Variants in ARL15 observed in about 807,000 individuals in gnomAD.
ARL15 encodes ADP-ribosylation factor-like protein 15.
A neutral mutation model predicts 25.2 loss-of-function variants in ARL15; 19 were observed. That is an observed-to-expected ratio of 0.75 (90% CI 0.53 to 1.10). The LOEUF (loss-of-function observed/expected upper bound fraction) is 1.10, where lower values mean the gene tolerates loss of function less well. ARL15 is among the 50% of genes least tolerant of loss of function. The pLI is 0.00. For missense variants in ARL15, 220 were observed against 246.0 expected (o/e 0.89, Z 0.71); for synonymous variants, 94 against 86.8 (o/e 1.08, Z -0.46).
At chr5:54,268,591 T>C (rs1254043032) in intron 1 of ARL15, among the ~76,000 whole-genome samples, 4 of 152,228 alleles carry the variant, frequency 2.6e-5, no homozygotes, top group African/African-American at 9.6e-5. Context: ...TCCCCATCTT[T>C]GTGGTTTCAT....
intron 4 of ARL15, among the ~76,000 whole-genome samples, chr5:54,029,202 G>A (rs1749882992): frequency 6.6e-6 from 1 of 152,058 alleles, no homozygotes; most frequent in Admixed American, 6.5e-5. Flanking sequence ...GTAAAATGGG[G>A]ATGATTACAG....
intron 4 of ARL15, among the ~76,000 whole-genome samples, chr5:53,918,643 A>T (rs1279833504): frequency 6.6e-6 from 1 of 152,222 alleles, no homozygotes; most frequent in African/African-American, 2.4e-5. Context: ...CAATTATCCA[A>T]GGTTGACAGT....
At chr5:54,239,872 G>A (rs960807045) in intron 1 of ARL15, among the ~76,000 whole-genome samples, 6 of 152,110 alleles carry the variant, frequency 3.9e-5, no homozygotes, top group African/African-American at 7.2e-5. Flanking sequence ...CTGTTTCCCT[G>A]GGACAGAAAT....
intron 4 of ARL15, among the ~76,000 whole-genome samples, chr5:54,030,079 G>A (rs183016030): frequency 2.1e-4 from 32 of 152,308 alleles, no homozygotes; most frequent in Admixed American, 1.4e-3. Flanking sequence ...GGAGGTTAAG[G>A]TGGGAGGATC....
At chr5:53,987,301 T>C (rs1176192168) in intron 4 of ARL15, among the ~76,000 whole-genome samples, 2 of 152,048 alleles carry the variant, frequency 1.3e-5, no homozygotes, top group African/African-American at 2.4e-5. Context: ...AAACTTTTAA[T>C]TAAGTCCATC....
chr5:54,019,610 C>T (rs1749532255), intron 4 of ARL15, among the ~76,000 whole-genome samples: 1 of 152,150 alleles, frequency 6.6e-6, no homozygotes, highest in East Asian at 1.9e-4. Flanking sequence ...TTTCAAATTT[C>T]AACTTTAGAT....
intron 1 of ARL15, among the ~76,000 whole-genome samples, chr5:54,255,207 A>AT (rs35565598): frequency 0.13 from 19,516 of 149,784 alleles, 2,104 homozygotes; most frequent in African/African-American, 0.3. Context: ...ACTCCACGTC[A>AT]TTTTTTTTTT....
At chr5:54,056,961 CAT>C (rs1230409686) in intron 4 of ARL15, among the ~76,000 whole-genome samples, 3 of 151,868 alleles carry the variant, frequency 2.0e-5, no homozygotes, top group East Asian at 3.9e-4. Context: ...AACATATACA[CAT>C]GTGCACATAC....
At chr5:54,297,636 G>C (rs1307171398) in intron 1 of ARL15, among the ~76,000 whole-genome samples, 1 of 152,116 alleles carries the variant, frequency 6.6e-6, no homozygotes, top group Non-Finnish European at 1.5e-5. Context: ...CCTCCCCTTG[G>C]AGAGTCTACC....
intron 1 of ARL15, among the ~76,000 whole-genome samples, chr5:54,190,127 C>T (rs1654992122): frequency 6.6e-6 from 1 of 152,100 alleles, no homozygotes; most frequent in African/African-American, 2.4e-5. Flanking sequence ...TGTGGTGGCT[C>T]ACGCCTGTAA....
intron 4 of ARL15, among the ~76,000 whole-genome samples, chr5:54,019,647 T>G (rs1301283394): frequency 6.6e-6 from 1 of 152,210 alleles, no homozygotes; most frequent in African/African-American, 2.4e-5. Context: ...ATTCCAGAAA[T>G]GTAATAAACT....
At chr5:54,013,091 C>T (rs769020933) in intron 4 of ARL15, among the ~76,000 whole-genome samples, 14 of 152,220 alleles carry the variant, frequency 9.2e-5, no homozygotes, top group Non-Finnish European at 1.9e-4. Context: ...TGAGCCACCA[C>T]GCCCGGACTT....
chr5:54,111,965 T>C (rs1342392156), intron 4 of ARL15, among the ~76,000 whole-genome samples: 1 of 152,150 alleles, frequency 6.6e-6, no homozygotes, highest in Non-Finnish European at 1.5e-5. Flanking sequence ...ACTTTCTGAA[T>C]AGATTTTTAT....
At chr5:53,920,998 G>A (rs1249992162) in intron 4 of ARL15, among the ~76,000 whole-genome samples, 7 of 152,170 alleles carry the variant, frequency 4.6e-5, no homozygotes, top group African/African-American at 1.7e-4. Flanking sequence ...AGCAGAACAA[G>A]ATAGAGGACA....
intron 4 of ARL15, among the ~76,000 whole-genome samples, chr5:54,035,529 T>C (rs1274209877): frequency 6.6e-6 from 1 of 152,210 alleles, no homozygotes; most frequent in Non-Finnish European, 1.5e-5. Context: ...ACATAACTCT[T>C]TTGAAGAGTA....
intron 4 of ARL15, among the ~76,000 whole-genome samples, chr5:53,912,905 A>C (rs1185787435): frequency 6.6e-6 from 1 of 152,246 alleles, no homozygotes; most frequent in African/African-American, 2.4e-5. Context: ...AAGACTAAAT[A>C]AATGTGATAA....
At chr5:54,057,758 A>G (rs909707179) in intron 4 of ARL15, among the ~76,000 whole-genome samples, 13 of 152,164 alleles carry the variant, frequency 8.5e-5, no homozygotes, top group African/African-American at 2.2e-4. Context: ...CTGAGATGGG[A>G]GGATGGCCTG....
intron 4 of ARL15, among the ~76,000 whole-genome samples, chr5:54,026,673 A>G (rs2111868501): frequency 1.3e-5 from 2 of 152,338 alleles, no homozygotes; most frequent in South Asian, 4.1e-4. Flanking sequence ...ACAGAAGCTA[A>G]GTGGGACTAC....
At chr5:53,971,212 A>T (rs1420015286) in intron 4 of ARL15, among the ~76,000 whole-genome samples, 1 of 152,204 alleles carries the variant, frequency 6.6e-6, no homozygotes. Flanking sequence ...TCAAAGTTAA[A>T]GTATAAAAGC....
Sources: gnomAD v4.1 joint callset for allele counts (sites outside exome capture counted in the v4.1 genomes callset) on GRCh38, gnomAD v4.1.1 for gene constraint, MANE v1.5 for transcripts, NCBI Gene and HGNC (gene_info 2026-07-23, HGNC 2026-07-21) for gene names.